CHRM5: variants seen among roughly 807,000 people sequenced by gnomAD.
CHRM5 encodes muscarinic acetylcholine receptor M5.
Under a neutral mutation model 39.0 loss-of-function variants are expected in CHRM5, and 18 were observed. The ratio of observed to expected loss-of-function variants is 0.46; its 90% CI spans 0.32 to 0.68. CHRM5 has a LOEUF of 0.68. CHRM5 is among the 30% of genes least tolerant of loss of function. The pLI is 0.04. For synonymous variants in CHRM5, 241 were observed against 246.3 expected (o/e 0.98, Z 0.20); for missense variants, 515 against 651.1 (o/e 0.79, Z 2.28).
intron 2 of CHRM5, among the ~76,000 whole-genome samples, chr15:34,059,194 G>T (rs1434973637): frequency 1.3e-5 from 2 of 152,124 alleles, no homozygotes; most frequent in African/African-American, 4.8e-5. Context: ...ACCACACCTG[G>T]CCTCCTTATT....
intron 1 of CHRM5, among the ~76,000 whole-genome samples, chr15:34,005,209 T>C (rs953693926): frequency 5.9e-5 from 9 of 152,134 alleles, no homozygotes; most frequent in African/African-American, 2.2e-4. Context: ...CTTAATAAAT[T>C]TCATTTCATA....
At chr15:33,992,779 C>A (rs903189175) in intron 1 of CHRM5, among the ~76,000 whole-genome samples, 1 of 152,210 alleles carries the variant, frequency 6.6e-6, no homozygotes, top group Admixed American at 6.5e-5. Context: ...AATATCCTTT[C>A]TTTTCCCTTC....
intron 2 of CHRM5, among the ~76,000 whole-genome samples, chr15:34,060,849 G>A (rs1900309857): frequency 1.3e-5 from 2 of 151,754 alleles, no homozygotes; most frequent in Non-Finnish European, 2.9e-5. Context: ...CAGCCTGGGT[G>A]ACAAGGGCAA....
chr15:34,034,676 A>G (rs1468917106), intron 1 of CHRM5, among the ~76,000 whole-genome samples: 2 of 152,190 alleles, frequency 1.3e-5, no homozygotes, highest in Non-Finnish European at 2.9e-5. Flanking sequence ...GAAAATATGT[A>G]AGTGAAATAG....
chr15:34,021,128 T>C (rs146282845), intron 1 of CHRM5, among the ~76,000 whole-genome samples: 8 of 152,338 alleles, frequency 5.3e-5, no homozygotes, highest in South Asian at 2.1e-4. Context: ...GTCTATAAAA[T>C]GCCTATCTTT....
At chr15:34,045,777 C>G (rs988432348) in intron 1 of CHRM5, among the ~76,000 whole-genome samples, 15 of 151,836 alleles carry the variant, frequency 9.9e-5, no homozygotes, top group African/African-American at 3.6e-4. Flanking sequence ...CAAGTCCACT[C>G]GACAAGAAAA....
intron 1 of CHRM5, among the ~76,000 whole-genome samples, chr15:34,017,848 A>C (rs1282259575): frequency 6.6e-6 from 1 of 152,164 alleles, no homozygotes; most frequent in African/African-American, 2.4e-5. Flanking sequence ...ACCACATACC[A>C]TTTTGGTCAA....
chr15:34,032,211 C>T (rs573508793), intron 1 of CHRM5, among the ~76,000 whole-genome samples: 1 of 152,254 alleles, frequency 6.6e-6, no homozygotes, highest in African/African-American at 2.4e-5. Context: ...TAGAAAACAC[C>T]TTTGCAACCA....
In CHRM5 at chr15:34,037,119, A is replaced by AT. The variant is rs1277322005; in HGVS notation, c.-407-9421_-407-9420insT. ...AGTAAAACTCCGTCTCAAAAAAAAAAAAAAAATATATACCATCATTTCACC... is the reference window on the plus strand; with the variant it reads ...AGTAAAACTCCGTCTCAAAAAAAAAATAAAAAATATATACCATCATTTCACC... On this transcript the variant is annotated intron_variant, in intron 1 of 2. Coordinates refer to ENST00000383263, the MANE Select transcript of CHRM5 (RefSeq NM_012125.4). Among the ~76,000 whole-genome samples, 11 of 151,248 alleles carry AT rather than the reference A, an allele frequency of 7.3e-5. No individual in the cohort carries two copies. The South Asian group carries it at 1.7e-3, about 23-fold the overall frequency.
At chr15:34,041,691 C>T (rs924951088) in intron 1 of CHRM5, among the ~76,000 whole-genome samples, 1 of 152,090 alleles carries the variant, frequency 6.6e-6, no homozygotes, top group African/African-American at 2.4e-5. Flanking sequence ...TATTTTGCAC[C>T]TGATACTATT....
chr15:34,008,977 G>C (rs627577), intron 1 of CHRM5, among the ~76,000 whole-genome samples: 130,596 of 148,630 alleles, frequency 0.88, 56,810 homozygotes, highest in East Asian at 0.98. Flanking sequence ...CACACACACA[G>C]ACCATCGAGA....
chr15:34,036,481 T>C (rs1472572200), intron 1 of CHRM5, among the ~76,000 whole-genome samples: 1 of 152,144 alleles, frequency 6.6e-6, no homozygotes, highest in Non-Finnish European at 1.5e-5. Context: ...GGGGCACAAA[T>C]GCACCATGGG....
At chr15:34,013,956 G>A (rs1271694004) in intron 1 of CHRM5, among the ~76,000 whole-genome samples, 1 of 152,142 alleles carries the variant, frequency 6.6e-6, no homozygotes, top group Non-Finnish European at 1.5e-5. Context: ...AGAACAGAGG[G>A]AACTCACATT....
intron 1 of CHRM5, among the ~76,000 whole-genome samples, chr15:34,041,264 AC>A (rs1899465447): frequency 6.6e-6 from 1 of 152,110 alleles, no homozygotes; most frequent in Non-Finnish European, 1.5e-5. Flanking sequence ...AGAGGCAATC[AC>A]CCTGGATGAG....
At chr15:33,990,546 T>C (rs1214583533) in intron 1 of CHRM5, 3 of 152,226 alleles carry the variant, frequency 2.0e-5, no homozygotes, top group East Asian at 1.9e-4. Context: ...CATTAAGCCA[T>C]GTCCAGTATA....
In CHRM5 at chr15:33,983,930, GAA is replaced by G. The variant is rs11353733; in HGVS notation, c.-408+14792_-408+14793del. Among the ~76,000 whole-genome samples the G allele has an allele frequency of 1.5e-3, 215 of 143,062 alleles. 1 individual carries two copies. Among genetic ancestry groups the G allele is most frequent in the African/African-American group, 4.9e-3 (194 of 39,690 alleles). 93.9% of individuals were successfully genotyped at this position (143,062 alleles called of 152,430 possible). A position where few individuals can be genotyped will look rare whatever the true frequency, so the allele number is the denominator to read the frequency against. ...GAATCCATAATCTCAGCCTCATCAT[GAA>G]AAAAAAAAAAATCAGAAAAACCCAA... On this transcript the variant is annotated intron_variant, in intron 1 of 2. Transcript: ENST00000383263.
In CHRM5 at chr15:34,065,455, G is replaced by C. The variant is rs1435837425; in HGVS notation, c.*1139G>C. Reference sequence around the variant, plus strand: ...GTGCTGCCTCCAAGCAGGGGGTTGTGGGGTGAGGTGGGGGTAGAAAGTCTT... The same window carrying C: ...GTGCTGCCTCCAAGCAGGGGGTTGTCGGGTGAGGTGGGGGTAGAAAGTCTT... On this transcript the variant is annotated 3_prime_UTR_variant, in exon 3 of 3. Transcript: ENST00000383263. The C allele has an allele frequency of 6.6e-6, 1 of 152,152 alleles. No individual in the cohort carries two copies. Among genetic ancestry groups the C allele is most frequent in the African/African-American group, 2.4e-5 (1 of 41,422 alleles). The allele number at this position is 152,152 out of a possible 1,614,324, so 9.4% of individuals were successfully genotyped here.
chr15:33,989,908 C>T (rs964269208), intron 1 of CHRM5, among the ~76,000 whole-genome samples: 4 of 150,298 alleles, frequency 2.7e-5, no homozygotes, highest in African/African-American at 9.8e-5. Flanking sequence ...GCTATTAGAA[C>T]GTGGTACCCA....
At chr15:34,058,689 A>G (rs1197161700) in intron 2 of CHRM5, among the ~76,000 whole-genome samples, 2 of 151,878 alleles carry the variant, frequency 1.3e-5, no homozygotes, top group Non-Finnish European at 2.9e-5. Flanking sequence ...TGCTTTCTTC[A>G]GGCCTTCTCT....
Sources: allele counts gnomAD v4.1 joint callset (sites outside exome capture counted in the v4.1 genomes callset), GRCh38; gene constraint gnomAD v4.1.1; transcripts MANE v1.5; gene names NCBI Gene and HGNC (gene_info 2026-07-23, HGNC 2026-07-21).